SNX29: variants seen among roughly 807,000 people sequenced by gnomAD.
SNX29 encodes the protein sorting nexin-29.
SNX29 carries 78 observed loss-of-function variants against 102.1 expected under a neutral mutation model. The observed-to-expected ratio is 0.76, with a 90% confidence interval of 0.64 to 0.92. The LOEUF is 0.92. Ranked by LOEUF, SNX29 falls within the 40% of genes least tolerant of loss-of-function variation. The pLI is 0.00. For missense variants in SNX29, 1,280 were observed against 1,061.7 expected (o/e 1.21, Z -2.86); for synonymous variants, 580 against 414.5 (o/e 1.40, Z -4.85).
At chr16:12,378,516 A>C (rs549348610) in intron 16 of SNX29, among the ~76,000 whole-genome samples, 8 of 152,180 alleles carry the variant, frequency 5.3e-5, no homozygotes, top group African/African-American at 1.4e-4. Context: ...GGGTGTGGTG[A>C]TGTGTGCCTG....
intron 18 of SNX29, among the ~76,000 whole-genome samples, chr16:12,451,557 C>T (rs1257360866): frequency 6.6e-6 from 1 of 152,232 alleles, no homozygotes; most frequent in South Asian, 2.1e-4. Flanking sequence ...CTGCCATGCA[C>T]TGGTTGCATT....
At chr16:12,017,771 TC>T (rs1800845528) in intron 3 of SNX29, among the ~76,000 whole-genome samples, 1 of 152,218 alleles carries the variant, frequency 6.6e-6, no homozygotes, top group African/African-American at 2.4e-5. Context: ...TATTTTTTTT[TC>T]AGCTGCATGA....
intron 9 of SNX29, among the ~76,000 whole-genome samples, chr16:12,066,182 T>C (rs947008334): frequency 3.3e-5 from 5 of 152,184 alleles, no homozygotes; most frequent in Non-Finnish European, 4.4e-5. Flanking sequence ...CTGTCTTTGC[T>C]TCAGGGAATG....
At chr16:12,542,380 G>C (rs2077382413) in intron 20 of SNX29, among the ~76,000 whole-genome samples, 1 of 152,240 alleles carries the variant, frequency 6.6e-6, no homozygotes, top group South Asian at 2.1e-4. Flanking sequence ...CTATCACCCA[G>C]GGTGGAGTAC....
At chr16:12,424,761 C>A (rs766365071) in intron 18 of SNX29, among the ~76,000 whole-genome samples, 3 of 152,180 alleles carry the variant, frequency 2.0e-5, no homozygotes, top group African/African-American at 7.2e-5. Context: ...CTCCGTCTCT[C>A]CCCTCTCTAT....
At chr16:12,158,058 G>A (rs913666474) in intron 13 of SNX29, among the ~76,000 whole-genome samples, 5 of 151,658 alleles carry the variant, frequency 3.3e-5, no homozygotes, top group Non-Finnish European at 4.4e-5. Flanking sequence ...CCAGCTGACC[G>A]TGCATGAGTT....
intron 5 of SNX29, among the ~76,000 whole-genome samples, chr16:12,044,924 C>G (rs531236411): frequency 1.5e-4 from 23 of 152,200 alleles, no homozygotes; most frequent in African/African-American, 5.1e-4. Context: ...CTCCTTCCAG[C>G]ATATTATTTA....
intron 4 of SNX29, among the ~76,000 whole-genome samples, chr16:12,037,137 C>T (rs1023290131): frequency 3.3e-5 from 5 of 152,124 alleles, no homozygotes; most frequent in African/African-American, 4.8e-5. Context: ...TCCCTCCTTA[C>T]GGGTCATATT....
At chr16:12,029,611 A>C (rs1227732415) in intron 4 of SNX29, 1 of 423,804 alleles carries the variant, frequency 2.4e-6, no homozygotes, top group Non-Finnish European at 4.6e-6. Context: ...TTTTTTTTTT[A>C]GATGGAGCCT....
At chr16:12,386,147 C>T (rs940983463) in intron 16 of SNX29, among the ~76,000 whole-genome samples, 7 of 152,334 alleles carry the variant, frequency 4.6e-5, no homozygotes, top group Non-Finnish European at 1.0e-4. Flanking sequence ...GCCAGCACCT[C>T]CTGATCCAGA....
chr16:12,488,408 G>A (rs1008966804), intron 19 of SNX29, among the ~76,000 whole-genome samples: 6 of 151,958 alleles, frequency 3.9e-5, no homozygotes, highest in South Asian at 2.1e-4. Flanking sequence ...ATCGCATCAC[G>A]GTTGCCTGAT....
At chr16:12,285,264 C>T (rs2079557855) in intron 15 of SNX29, among the ~76,000 whole-genome samples, 1 of 152,198 alleles carries the variant, frequency 6.6e-6, no homozygotes. Context: ...CTCTTGCTTG[C>T]CGGCACCGTT....
At chr16:11,978,817 T>C (rs2055356703) in intron 1 of SNX29, among the ~76,000 whole-genome samples, 4 of 151,700 alleles carry the variant, frequency 2.6e-5, no homozygotes. Flanking sequence ...CCCAGCTACT[T>C]GGGAGGCTGA....
At chr16:12,075,719 C>A (rs2051528664) in intron 10 of SNX29, among the ~76,000 whole-genome samples, 1 of 152,242 alleles carries the variant, frequency 6.6e-6, no homozygotes, top group Admixed American at 6.5e-5. Flanking sequence ...ACATTTAAGT[C>A]TGCAGAGGTT....
chr16:12,027,521 G>C (rs1596632366), intron 4 of SNX29, 77 bp downstream of exon 4: 6 of 1,567,502 alleles, frequency 3.8e-6, no homozygotes, highest in Non-Finnish European at 4.3e-6. Flanking sequence ...TTTTTTAATA[G>C]TGGGCAGGGC....
intron 14 of SNX29, among the ~76,000 whole-genome samples, chr16:12,269,736 G>T (rs941049598): frequency 2.0e-5 from 3 of 152,282 alleles, no homozygotes; most frequent in South Asian, 2.1e-4. Flanking sequence ...TTTGAAGTCA[G>T]TGTGAGCTAT....
At chr16:12,031,886 G>A (rs376084220) in intron 4 of SNX29, among the ~76,000 whole-genome samples, 4 of 152,056 alleles carry the variant, frequency 2.6e-5, no homozygotes, top group East Asian at 3.8e-4. Flanking sequence ...CATTTGAAGT[G>A]TACAATTCAG....
intron 16 of SNX29, among the ~76,000 whole-genome samples, chr16:12,362,553 TCCCCCCCCACCC>T (rs1343021902): frequency 3.6e-4 from 4 of 11,050 alleles, no homozygotes; most frequent in South Asian, 6.0e-3. Context: ...GCTGCTGCAC[TCCCCCCCCACCC>T]CCCCCCCCAC....
intron 15 of SNX29, among the ~76,000 whole-genome samples, chr16:12,327,343 C>A (rs757595718): frequency 6.6e-6 from 1 of 152,074 alleles, no homozygotes; most frequent in Non-Finnish European, 1.5e-5. Context: ...GCTAGAGCTG[C>A]CCTAACAGAG....
Sources: allele counts gnomAD v4.1 joint callset (sites outside exome capture counted in the v4.1 genomes callset), GRCh38; gene constraint gnomAD v4.1.1; transcripts MANE v1.5; gene names NCBI Gene and HGNC (gene_info 2026-07-23, HGNC 2026-07-21).